Variants in GPR149 observed in about 807,000 individuals in gnomAD.
GPR149 encodes the protein probable G protein-coupled receptor 149.
Under a neutral mutation model 50.2 loss-of-function variants are expected in GPR149, and 50 were observed. The ratio of observed to expected loss-of-function variants is 1.00; its 90% CI spans 0.79 to 1.26. The LOEUF (loss-of-function observed/expected upper bound fraction) is 1.26, where lower values mean the gene tolerates loss of function less well. Ranked by LOEUF, GPR149 falls within the 50% of genes most tolerant of loss-of-function variation. The probability of loss-of-function intolerance (pLI) is 0.00; values close to 1 mark genes in which losing one functional copy is unlikely to be tolerated. For missense variants in GPR149, 983 were observed against 895.4 expected (o/e 1.10, Z -1.25); for synonymous variants, 405 against 358.2 (o/e 1.13, Z -1.48).
At chr3:154,376,209 A>T (rs898568522) in intron 3 of GPR149, among the ~76,000 whole-genome samples, 2 of 115,816 alleles carry the variant, frequency 1.7e-5, no homozygotes, top group Admixed American at 1.7e-4. Context: ...TCCTGTTTTT[A>T]TCATGTATTT....
At chr3:154,419,609 G>A (rs1712081830) in intron 3 of GPR149, among the ~76,000 whole-genome samples, 1 of 152,014 alleles carries the variant, frequency 6.6e-6, no homozygotes. Context: ...AAAAATATGA[G>A]TAAGATTCAA....
intron 3 of GPR149, among the ~76,000 whole-genome samples, chr3:154,371,299 A>G (rs1204714027): frequency 6.6e-6 from 1 of 152,162 alleles, no homozygotes; most frequent in Non-Finnish European, 1.5e-5. Flanking sequence ...CTATAATAAC[A>G]CAGCCTATTG....
At chr3:154,351,313 CAAAAAAAAAAAAAAAAAA>C (rs71155003) in intron 3 of GPR149, among the ~76,000 whole-genome samples, 1 of 75,526 alleles carries the variant, frequency 1.3e-5, no homozygotes, top group African/African-American at 5.2e-5. Flanking sequence ...CATCCACATA[CAAAAAAAAAAAAAAAAAA>C]AAAAAAAAAA....
intron 3 of GPR149, among the ~76,000 whole-genome samples, chr3:154,366,306 C>T (rs1477525977): frequency 6.6e-6 from 1 of 152,122 alleles, no homozygotes; most frequent in Non-Finnish European, 1.5e-5. Context: ...ATATTAGAAC[C>T]TACTCTGGTA....
Position 154,427,633 on chromosome 3 carries a change from G to C in GPR149, c.1057C>G (p.Leu353Val). 1 of 1,614,212 alleles carries C rather than the reference G, an allele frequency of 6.2e-7. No individual in the cohort carries two copies. Among genetic ancestry groups the C allele is most frequent in the Non-Finnish European group, 8.5e-7 (1 of 1,180,014 alleles). ...AACACTGGGGTTACAGTGGTGGCCA[G>C]CAGGGTAAGTAGAAAGCTGAATGTC... ...LETFSFLLTL[L>V]ATTVTPVFVL... The change falls in exon 2 of 4, where the codon CTG (leucine) becomes GTG (valine). Residue 353 changes from leucine (L) to valine (V), a missense_variant. Transcript: ENST00000389740.
intron 3 of GPR149, among the ~76,000 whole-genome samples, chr3:154,381,986 T>C (rs1414051619): frequency 6.6e-6 from 1 of 152,208 alleles, no homozygotes; most frequent in African/African-American, 2.4e-5. Flanking sequence ...TATCATACCC[T>C]AAATGATAAG....
At chr3:154,370,123 G>C (rs1302728669) in intron 3 of GPR149, among the ~76,000 whole-genome samples, 1 of 152,162 alleles carries the variant, frequency 6.6e-6, no homozygotes, top group East Asian at 1.9e-4. Context: ...CGCTTTTCTA[G>C]AAAGGCTAAG....
rs1419803270 is a variant in GPR149 at position 154,421,442 on chromosome 3, T to A, written c.1220A>T (p.Tyr407Phe). The A allele has an allele frequency of 6.3e-7, 1 of 1,598,038 alleles. No individual in the cohort carries two copies. Among genetic ancestry groups the A allele is most frequent in the African/African-American group, 1.4e-5 (1 of 73,936 alleles). The part of the protein sequence containing the change: ...FEFNLSFQKS[Y>F]GIYKIAHEDY... ...TTCATGTGCTATTTTATAAATCCCATAACTTTTTTGGAATGATAGATTGAA... is the reference window on the plus strand; with the variant it reads ...TTCATGTGCTATTTTATAAATCCCAAAACTTTTTTGGAATGATAGATTGAA... Residue 407 changes from tyrosine (Y) to phenylalanine (F), a missense_variant, in exon 3 of 4, where the codon TAT becomes TTT. By Grantham distance (22) the Tyr-to-Phe change is conservative. Coordinates refer to ENST00000389740, the MANE Select transcript of GPR149 (RefSeq NM_001038705.3).
chr3:154,342,557 C>T lies in GPR149; in HGVS notation c.1624-4286G>A, dbSNP rs114727509. On this transcript the variant is annotated intron_variant, in intron 3 of 3. Coordinates refer to ENST00000389740, the MANE Select transcript of GPR149 (RefSeq NM_001038705.3). The stretch of plus-strand genomic sequence containing the variant: ...TCAAGTAGCTGGGATTAAAGGCGTA[C>T]CCCACCAGGACTGGCTCATTTTTGT... Among the ~76,000 whole-genome samples the T allele has an allele frequency of 5.3e-3, 804 of 152,182 alleles. 8 individuals carry two copies. Among genetic ancestry groups the T allele is most frequent in the African/African-American group, 0.018 (738 of 41,510 alleles).
chr3:154,346,017 A>T, intron 3 of GPR149, among the ~76,000 whole-genome samples: 1 of 152,196 alleles, frequency 6.6e-6, no homozygotes, highest in East Asian at 1.9e-4. Context: ...TTTAAAAGAA[A>T]TCTGCTCTAG....
At chr3:154,351,313 C>CAAAAAAAAAAAAAAAAAAAA (rs71155003) in intron 3 of GPR149, among the ~76,000 whole-genome samples, 3 of 75,528 alleles carry the variant, frequency 4.0e-5, no homozygotes, top group African/African-American at 5.2e-5. Flanking sequence ...CATCCACATA[C>CAAAAAAAAAAAAAAAAAAAA]AAAAAAAAAA....
At chr3:154,342,091 G>A (rs1713811862) in intron 3 of GPR149, among the ~76,000 whole-genome samples, 1 of 152,150 alleles carries the variant, frequency 6.6e-6, no homozygotes, top group Non-Finnish European at 1.5e-5. Context: ...TTAAAGTGCT[G>A]AGTGAATAAG....
chr3:154,407,719 C>CACACAT (rs759884952), intron 3 of GPR149, among the ~76,000 whole-genome samples: 2 of 150,372 alleles, frequency 1.3e-5, no homozygotes, highest in African/African-American at 2.4e-5. Context: ...CACACACACA[C>CACACAT]ATATATATAT....
chr3:154,341,063 C>G (rs1184250197), intron 3 of GPR149, among the ~76,000 whole-genome samples: 1 of 151,794 alleles, frequency 6.6e-6, no homozygotes, highest in African/African-American at 2.4e-5. Flanking sequence ...TGATAAACCA[C>G]AAGTTAAAGG....
intron 2 of GPR149, among the ~76,000 whole-genome samples, chr3:154,427,222 CT>C (rs1559992855): frequency 6.6e-6 from 1 of 151,728 alleles, no homozygotes; most frequent in Non-Finnish European, 1.5e-5. Context: ...ATCTAAGTGC[CT>C]TTGTTGACAT....
chr3:154,373,304 T>G (rs1347619019), intron 3 of GPR149, among the ~76,000 whole-genome samples: 1 of 152,144 alleles, frequency 6.6e-6, no homozygotes, highest in Non-Finnish European at 1.5e-5. Context: ...GAAAAGCTCA[T>G]TGATCCCTGG....
intron 3 of GPR149, among the ~76,000 whole-genome samples, chr3:154,405,661 G>T (rs923021035): frequency 6.7e-6 from 1 of 148,406 alleles, no homozygotes; most frequent in Non-Finnish European, 1.5e-5. Flanking sequence ...AGATAAAGAC[G>T]ATAACTCACT....
Position 154,337,408 on chromosome 3 carries a change from A to G in GPR149, c.*291T>C, listed in dbSNP as rs1020045194. ...CAATTTTCTGTTTACTAGGAAGTTG[A>G]CAAGCAAAAACATTGGTAAACTAGG... is the stretch of plus-strand genomic sequence containing the variant. On this transcript the variant is annotated 3_prime_UTR_variant, in exon 4 of 4. Coordinates refer to ENST00000389740, the MANE Select transcript of GPR149 (RefSeq NM_001038705.3). 2.0e-5 allele frequency among the ~76,000 whole-genome samples: 3 copies of G among 152,200 alleles called. No individual in the cohort carries two copies. Among genetic ancestry groups the G allele is most frequent in the African/African-American group, 7.2e-5 (3 of 41,456 alleles).
intron 3 of GPR149, among the ~76,000 whole-genome samples, chr3:154,340,215 G>A (rs1713759641): frequency 6.6e-6 from 1 of 152,162 alleles, no homozygotes; most frequent in African/African-American, 2.4e-5. Flanking sequence ...CTCATAAGGA[G>A]ACCTAGGAAC....
Sources: gnomAD v4.1 joint callset for allele counts (sites outside exome capture counted in the v4.1 genomes callset) on GRCh38, gnomAD v4.1.1 for gene constraint, MANE v1.5 for transcripts, NCBI Gene and HGNC (gene_info 2026-07-23, HGNC 2026-07-21) for gene names.